The following ZNF248 variants were observed in gnomAD, a reference collection of about 807,000 sequenced individuals.
ZNF248 encodes KRAB protein domain.
Under a neutral mutation model 44.3 loss-of-function variants are expected in ZNF248, and 20 were observed. That is an observed-to-expected ratio of 0.45 (90% CI 0.32 to 0.66). The LOEUF is 0.66. Among genes scored for constraint, ZNF248 ranks in the 30% least tolerant of loss-of-function variants. The pLI is 0.04. For missense variants in ZNF248, 654 were observed against 677.0 expected (o/e 0.97, Z 0.38); for synonymous variants, 224 against 229.0 (o/e 0.98, Z 0.20).
rs1589598449 is a variant in ZNF248, at chr10:37,830,179, C to A, written c.*1436G>T. 5.1e-6 allele frequency: 5 copies of A among 985,376 alleles called. No homozygotes were observed. The highest frequency in any genetic ancestry group is 3.6e-6 in the Non-Finnish European group (3 of 829,924). 61.0% of individuals were successfully genotyped at this position (985,376 alleles called of 1,614,324 possible). On this transcript the variant is annotated 3_prime_UTR_variant, in exon 6 of 6. Transcript: ENST00000395867. ...ACATACCGCCACTTTTTGAGGAGTG[C>A]AGTGTTACTGCTTGTTAACCTTTGC...
chr10:37,798,302 G>T (rs1251442019), intron 6 of ZNF248, among the ~76,000 whole-genome samples: 1 of 152,116 alleles, frequency 6.6e-6, no homozygotes, highest in Non-Finnish European at 1.5e-5. Context: ...GTTGCCTAGG[G>T]GAGTGACTGC....
chr10:37,811,834 G>C (rs974529922), intron 6 of ZNF248, among the ~76,000 whole-genome samples: 1 of 151,524 alleles, frequency 6.6e-6, no homozygotes, highest in African/African-American at 2.4e-5. Flanking sequence ...CTGACAGTGA[G>C]ATGTTGTGTC....
the ZNF248 span, among the ~76,000 whole-genome samples, chr10:37,767,406 T>C: frequency 6.6e-6 from 1 of 152,148 alleles, no homozygotes; most frequent in African/African-American, 2.4e-5. Context: ...GGGAAGCCCA[T>C]CAGACTAACA....
chr10:37,820,337 A>G, intron 6 of ZNF248: 1 of 1,398,224 alleles, frequency 7.2e-7, no homozygotes, highest in Non-Finnish European at 1.0e-6. Flanking sequence ...AGCACAGGCC[A>G]GCTCCCCTTT....
chr10:37,811,167 T>C (rs986688082), intron 6 of ZNF248, among the ~76,000 whole-genome samples: 1 of 152,224 alleles, frequency 6.6e-6, no homozygotes, highest in African/African-American at 2.4e-5. Context: ...ATATGTACTT[T>C]AGATTGAGGT....
At chr10:37,828,605 G>C (rs779560445), downstream of ZNF248, among the ~76,000 whole-genome samples, 17 of 152,134 alleles carry the variant, frequency 1.1e-4, no homozygotes, top group Non-Finnish European at 2.1e-4. Flanking sequence ...GCCAGGATTG[G>C]GGTAAATGCC....
chr10:37,823,817 ACCCACCTCGGCCT>A (rs1409760304), downstream of ZNF248, among the ~76,000 whole-genome samples: 1 of 151,972 alleles, frequency 6.6e-6, no homozygotes, highest in Non-Finnish European at 1.5e-5. Context: ...AAGGTGATCC[ACCCACCTCGGCCT>A]CCCAAATTGC....
intron 3 of ZNF248, among the ~76,000 whole-genome samples, chr10:37,847,217 ATTTAT>A (rs2059472810): frequency 6.6e-6 from 1 of 151,728 alleles, no homozygotes; most frequent in Admixed American, 6.6e-5. Context: ...ATTTTTATTT[ATTTAT>A]TTATTTTTTG....
intron 6 of ZNF248, among the ~76,000 whole-genome samples, chr10:37,796,626 C>T (rs1025233150): frequency 1.3e-5 from 2 of 151,942 alleles, no homozygotes; most frequent in Admixed American, 6.6e-5. Flanking sequence ...CTTAGTCTAT[C>T]AGAGTTGTTT....
In ZNF248 at chr10:37,832,243, C is replaced by A; in HGVS notation, c.1112G>T (p.Arg371Leu). Residue 371 changes from arginine (R) to leucine (L), a missense_variant, in exon 6 of 6, where the codon CGG (arginine) becomes CTG (leucine). By Grantham distance (102) the Arg-to-Leu change is moderately radical. Coordinates refer to ENST00000395867, the MANE Select transcript of ZNF248 (RefSeq NM_021045.3). Reference sequence around the variant, plus strand: ...GGTTTTTTCTCCTGTGTGAGCTCTCCGAAGCTGGGTAAGATGTGACTTCTT... The same window carrying A: ...GGTTTTTTCTCCTGTGTGAGCTCTCAGAAGCTGGGTAAGATGTGACTTCTT... ...FSKKSHLTQL[R>L]RAHTGEKTFE... 6.2e-7 allele frequency: 1 copy of A among 1,613,950 alleles called. No homozygotes were observed. Among genetic ancestry groups the A allele is most frequent in the Non-Finnish European group, 8.5e-7 (1 of 1,179,932 alleles).
chr10:37,803,136 T>C (rs976325139), intron 6 of ZNF248: 6 of 152,206 alleles, frequency 3.9e-5, no homozygotes, highest in African/African-American at 1.4e-4. Flanking sequence ...AATTAGTTAT[T>C]TTCTGAGTAT....
intron 6 of ZNF248, among the ~76,000 whole-genome samples, chr10:37,809,529 T>C (rs895336794): frequency 5.3e-5 from 8 of 152,180 alleles, no homozygotes; most frequent in Admixed American, 4.6e-4. Context: ...TCACCAGTCT[T>C]GGCCTCCCAA....
chr10:37,768,986 A>G, the ZNF248 span, among the ~76,000 whole-genome samples: 1 of 152,240 alleles, frequency 6.6e-6, no homozygotes, highest in Non-Finnish European at 1.5e-5. Context: ...AGAGAATACT[A>G]CAAACACCTC....
At position 37,831,786 on chromosome 10, in the gene ZNF248, ATTACACTTATATGG is replaced by A; in HGVS notation, c.1555_1568del (p.Pro519Ter). On this transcript the variant is annotated frameshift_variant, in exon 6 of 6. Transcript: ENST00000395867. LOFTEE classifies it high-confidence loss of function. ...TTTCACAGAAGGTTTTCCCACATTC[ATTACACTTATATGG>A]TTTCTCCCCAGTGTGAGTTCTTTGA... is the stretch of plus-strand genomic sequence containing the variant. 1 of 1,612,928 alleles carries A rather than the reference ATTACACTTATATGG, an allele frequency of 6.2e-7. No homozygotes were observed. The highest frequency in any genetic ancestry group is 2.2e-5 in the East Asian group (1 of 44,838).
chr10:37,838,980 T>C (rs537298911), intron 3 of ZNF248, among the ~76,000 whole-genome samples: 2 of 152,276 alleles, frequency 1.3e-5, no homozygotes, highest in African/African-American at 4.8e-5. Flanking sequence ...AAGATCACCG[T>C]TGATGGGCAT....
At chr10:37,768,478 C>A in the ZNF248 span, among the ~76,000 whole-genome samples, 2 of 152,170 alleles carry the variant, frequency 1.3e-5, no homozygotes, top group African/African-American at 4.8e-5. Flanking sequence ...CACTCAAAAT[C>A]GCTCAACTAC....
intron 6 of ZNF248, among the ~76,000 whole-genome samples, chr10:37,788,864 T>C (rs547867010): frequency 1.1e-4 from 17 of 151,218 alleles, no homozygotes; most frequent in African/African-American, 4.1e-4. Context: ...TTTATATGAA[T>C]GTCTAGAAAG....
downstream of ZNF248, among the ~76,000 whole-genome samples, chr10:37,775,066 G>A (rs1362471576): frequency 6.6e-6 from 1 of 152,048 alleles, no homozygotes; most frequent in Non-Finnish European, 1.5e-5. Context: ...CACCACACCT[G>A]GCCTCTTTTG....
intron 6 of ZNF248, chr10:37,818,531 T>A: frequency 3.1e-6 from 1 of 317,562 alleles, no homozygotes; most frequent in South Asian, 4.1e-5. Context: ...ATTCTCTACG[T>A]TCCAAACCTG....
Sources: gnomAD v4.1 joint callset for allele counts (sites outside exome capture counted in the v4.1 genomes callset) on GRCh38, gnomAD v4.1.1 for gene constraint, MANE v1.5 for transcripts, NCBI Gene and HGNC (gene_info 2026-07-23, HGNC 2026-07-21) for gene names.